Variants in NTN1 observed in about 807,000 individuals in gnomAD.
NTN1 encodes the protein netrin-1.
A neutral mutation model predicts 54.2 loss-of-function variants in NTN1; 11 were observed. That is an observed-to-expected ratio of 0.20 (90% confidence interval 0.13 to 0.34). NTN1 has a LOEUF of 0.34. NTN1 is among the 10% of genes least tolerant of loss of function. The probability of loss-of-function intolerance (pLI) is 1.00; values close to 1 mark genes in which losing one functional copy is unlikely to be tolerated. For synonymous variants in NTN1, 371 were observed against 382.0 expected (o/e 0.97, Z 0.33); for missense variants, 740 against 893.1 (o/e 0.83, Z 2.18).
chr17:9,011,315 G>A, the NTN1 span, among the ~76,000 whole-genome samples: 8 of 152,098 alleles, frequency 5.3e-5, no homozygotes, highest in Non-Finnish European at 1.2e-4. Context: ...TCCTTTCCTT[G>A]CCCTTCAGCT....
At chr17:9,205,033 C>T (rs570845910) in intron 5 of NTN1, among the ~76,000 whole-genome samples, 1 of 152,102 alleles carries the variant, frequency 6.6e-6, no homozygotes, top group South Asian at 2.1e-4. Context: ...CCTGCCTGGG[C>T]TTTCATTACC....
chr17:9,004,470 A>G, the NTN1 span, among the ~76,000 whole-genome samples: 1 of 152,208 alleles, frequency 6.6e-6, no homozygotes, highest in East Asian at 1.9e-4. Context: ...CGGGTGACGG[A>G]GGCTTTATCC....
intron 3 of NTN1, chr17:9,176,164 C>T (rs1224195494): frequency 1.2e-5 from 1 of 84,802 alleles, no homozygotes; most frequent in Non-Finnish European, 2.7e-5. Context: ...CACACCTCCC[C>T]TCCCCTGCCC....
rs871827 is a variant in NTN1 at position 9,090,584 on chromosome 17, A to T, written c.1018+67193A>T. ...TTTAGGAGCAGAAAGAGGGGGATAC[A>T]GATGCCGGTTTATAAAGGCTGAGAG... On this transcript the variant is annotated intron_variant, in intron 2 of 6. Transcript: ENST00000173229. Among the ~76,000 whole-genome samples, 402 of 152,114 alleles carry T rather than the reference A, an allele frequency of 2.6e-3. 2 individuals carry two copies. The highest frequency in any genetic ancestry group is 9.4e-3 in the African/African-American group (389 of 41,504).
chr17:9,138,227 TC>T (rs2092287102), intron 2 of NTN1, among the ~76,000 whole-genome samples: 1 of 152,216 alleles, frequency 6.6e-6, no homozygotes, highest in Admixed American at 6.5e-5. Flanking sequence ...TTCATTCCTT[TC>T]CCCAAATTGC....
At chr17:9,151,111 G>T (rs180683477) in intron 2 of NTN1, among the ~76,000 whole-genome samples, 1 of 152,160 alleles carries the variant, frequency 6.6e-6, no homozygotes, top group African/African-American at 2.4e-5. Flanking sequence ...AGACTTATCT[G>T]CCCCCCACCC....
rs148963990 is a variant in NTN1, at chr17:9,214,695, G to A, written c.1412-6473G>A. Among the ~76,000 whole-genome samples, 572 of 152,256 alleles carry A rather than the reference G, an allele frequency of 3.8e-3. 3 individuals carry two copies. The highest frequency in any genetic ancestry group is 0.013 in the African/African-American group (549 of 41,554). ...AAATTAGCCAGGCATGGTGGCAGGCGCCTGTAGTCCCAGCTACTCAGGAGG... is the reference window on the plus strand; with the variant it reads ...AAATTAGCCAGGCATGGTGGCAGGCACCTGTAGTCCCAGCTACTCAGGAGG... On this transcript the variant is annotated intron_variant, in intron 5 of 6. Coordinates refer to ENST00000173229, the MANE Select transcript of NTN1 (RefSeq NM_004822.3).
intron 2 of NTN1, among the ~76,000 whole-genome samples, chr17:9,058,656 A>G (rs941023383): frequency 1.3e-5 from 2 of 151,184 alleles, no homozygotes; most frequent in Non-Finnish European, 3.0e-5. Context: ...AAAAAAAAAA[A>G]AAAAAAAAGA....
intron 2 of NTN1, among the ~76,000 whole-genome samples, chr17:9,044,777 C>G (rs2091935987): frequency 6.6e-6 from 1 of 152,112 alleles, no homozygotes; most frequent in South Asian, 2.1e-4. Flanking sequence ...TAACATGTAA[C>G]TCGATCTTCC....
At chr17:9,088,293 T>A (rs1301022631) in intron 2 of NTN1, among the ~76,000 whole-genome samples, 4 of 152,200 alleles carry the variant, frequency 2.6e-5, no homozygotes, top group Non-Finnish European at 5.9e-5. Flanking sequence ...TGGAATTTCT[T>A]ATTGTCCTGC....
intron 2 of NTN1, among the ~76,000 whole-genome samples, chr17:9,024,100 T>G (rs1249415997): frequency 2.0e-5 from 3 of 152,232 alleles, no homozygotes; most frequent in Non-Finnish European, 4.4e-5. Flanking sequence ...AGCTTCAGGC[T>G]TTGGTGAAAT....
chr17:9,079,763 T>A (rs1305414404), intron 2 of NTN1, among the ~76,000 whole-genome samples: 1 of 144,256 alleles, frequency 6.9e-6, no homozygotes, highest in Non-Finnish European at 1.5e-5. Flanking sequence ...TGGACCTGTT[T>A]CCTGGTTCCC....
In NTN1 at chr17:9,190,288, G is replaced by T. The variant is rs185286905; in HGVS notation, c.1411+7319G>T. Among the ~76,000 whole-genome samples the T allele has an allele frequency of 3.0e-3, 453 of 152,298 alleles. 2 individuals are homozygous for T. The highest frequency in any genetic ancestry group is 0.01 in the African/African-American group (430 of 41,560). On this transcript the variant is annotated intron_variant, in intron 5 of 6. Transcript: ENST00000173229. The stretch of plus-strand genomic sequence containing the variant: ...AAAGGAGGGTCTTGCCACGTTCTGA[G>T]AAGACAAGACCCAAAATTGTAAAGC...
chr17:9,128,445 G>A (rs1057133581), intron 2 of NTN1, among the ~76,000 whole-genome samples: 1 of 152,206 alleles, frequency 6.6e-6, no homozygotes, highest in Non-Finnish European at 1.5e-5. Flanking sequence ...GGCCAAGGGA[G>A]CCAGCTGGAG....
chr17:9,027,403 A>G (rs1339963635), intron 2 of NTN1, among the ~76,000 whole-genome samples: 2 of 152,198 alleles, frequency 1.3e-5, no homozygotes, highest in Non-Finnish European at 2.9e-5. Context: ...TAGAGACATT[A>G]GATGGTTTAC....
At position 9,212,406 on chromosome 17, in the gene NTN1, A is replaced by G. The variant is rs1470230740; in HGVS notation, c.1412-8762A>G. Among the ~76,000 whole-genome samples, 5 of 152,032 alleles carry G rather than the reference A, an allele frequency of 3.3e-5. No homozygotes were observed. The highest frequency in any genetic ancestry group is 4.8e-5 in the African/African-American group (2 of 41,358). ...GCCTGCGGCACCTTGAAAACCGAAC[A>G]CATGGAAATCTGGACTCTCTGGCCG... On this transcript the variant is annotated intron_variant, in intron 5 of 6. Coordinates refer to ENST00000173229, the MANE Select transcript of NTN1 (RefSeq NM_004822.3). The surrounding 1 kb of genome is among the most constrained non-coding windows in gnomAD (Gnocchi z 5.5).
chr17:9,159,762 C>T (rs191707808), intron 2 of NTN1, among the ~76,000 whole-genome samples: 1 of 152,076 alleles, frequency 6.6e-6, no homozygotes, highest in Non-Finnish European at 1.5e-5. Context: ...GATCACGCCA[C>T]TGCACTCCAG....
intron 3 of NTN1, among the ~76,000 whole-genome samples, chr17:9,167,996 A>T (rs953279305): frequency 1.3e-5 from 2 of 152,076 alleles, no homozygotes; most frequent in African/African-American, 2.4e-5. Context: ...TCCAGATGCG[A>T]TCTGGGCATT....
intron 5 of NTN1, among the ~76,000 whole-genome samples, chr17:9,206,729 A>G (rs535121745): frequency 4.5e-4 from 69 of 152,302 alleles, no homozygotes; most frequent in South Asian, 1.0e-3. Context: ...CCATATTTTT[A>G]AATCTGCAAA....
Sources: gnomAD v4.1 joint callset for allele counts (sites outside exome capture counted in the v4.1 genomes callset) on GRCh38, gnomAD v4.1.1 for gene constraint, Gnocchi (gnomAD v3.1) non-coding constraint, MANE v1.5 for transcripts, NCBI Gene and HGNC (gene_info 2026-07-23, HGNC 2026-07-21) for gene names.